ZBTB34: variants seen among roughly 807,000 people sequenced by gnomAD.
ZBTB34 encodes zinc finger and BTB domain-containing protein 34.
A neutral mutation model predicts 33.4 loss-of-function variants in ZBTB34; 1 was observed. That is an observed-to-expected ratio of 0.03 (90% confidence interval 0.01 to 0.14). The LOEUF is 0.14. Among genes scored for constraint, ZBTB34 ranks in the 10% least tolerant of loss-of-function variants. ZBTB34 has a pLI of 1.00. For missense variants in ZBTB34, 406 were observed against 657.2 expected (o/e 0.62, Z 4.18); for synonymous variants, 283 against 253.5 (o/e 1.12, Z -1.11).
chr9:126,885,808 A>G (rs1470487172), exon 2 of ZBTB34: 2 of 167,064 alleles, frequency 1.2e-5, no homozygotes, highest in African/African-American at 2.4e-5. Context: ...TTGCTTGTAA[A>G]TGGCTTTTTT....
chr9:126,882,394 G>A (rs1268082561), exon 2 of ZBTB34: 1 of 167,074 alleles, frequency 6.0e-6, no homozygotes, highest in Non-Finnish European at 1.5e-5. Context: ...TGGCAAACAC[G>A]TTACTGTATG....
At chr9:126,882,282 C>T (rs1001622044) in exon 2 of ZBTB34, 2 of 166,906 alleles carry the variant, frequency 1.2e-5, no homozygotes, top group Admixed American at 6.6e-5. Flanking sequence ...CTTTTTAGGT[C>T]AGTATAGTTG....
chr9:126,866,310 A>G (rs1464229835), intron 1 of ZBTB34, among the ~76,000 whole-genome samples: 1 of 152,084 alleles, frequency 6.6e-6, no homozygotes, highest in African/African-American at 2.4e-5. Flanking sequence ...CCGAGTAGAC[A>G]CCATGCCTCA....
chr9:126,872,180 A>G (rs932725549), intron 1 of ZBTB34, among the ~76,000 whole-genome samples: 1 of 151,340 alleles, frequency 6.6e-6, no homozygotes, highest in African/African-American at 2.4e-5. Flanking sequence ...CGACCTCCCA[A>G]CCTGAGGTGC....
At chr9:126,860,661 G>A (rs1473087087), upstream of ZBTB34, 3 of 147,846 alleles carry the variant, frequency 2.0e-5, no homozygotes, top group African/African-American at 7.4e-5. Flanking sequence ...GGCAGCCGGA[G>A]CGGCGGGGAC....
intron 1 of ZBTB34, among the ~76,000 whole-genome samples, chr9:126,866,165 G>A (rs945903891): frequency 1.3e-5 from 2 of 150,536 alleles, no homozygotes; most frequent in African/African-American, 4.9e-5. Context: ...TTACCAAAAC[G>A]ATCCTCAGTC....
intron 1 of ZBTB34, among the ~76,000 whole-genome samples, chr9:126,877,600 G>A (rs2033378681): frequency 6.6e-6 from 1 of 152,204 alleles, no homozygotes. Context: ...TAGGCCACAG[G>A]AAGGAAACCT....
intron 1 of ZBTB34, among the ~76,000 whole-genome samples, chr9:126,864,824 CT>C (rs368399765): frequency 9.9e-4 from 151 of 152,256 alleles, no homozygotes; most frequent in African/African-American, 3.0e-3. Flanking sequence ...ATAATTGTTA[CT>C]TCTGTTACCA....
chr9:126,885,469 T>C (rs1257086090), exon 2 of ZBTB34: 1 of 167,088 alleles, frequency 6.0e-6, no homozygotes, highest in South Asian at 2.1e-4. Flanking sequence ...TTTCCTAATG[T>C]GAAAACCATC....
rs773615199 is a variant in ZBTB34, at chr9:126,880,287, A to T, written c.888A>T (p.Pro296=). 1 of 1,614,012 alleles carries T rather than the reference A, an allele frequency of 6.2e-7. No homozygotes were observed. Among genetic ancestry groups the T allele is most frequent in the Middle Eastern group, 1.7e-4 (1 of 6,060 alleles). Reference sequence around the variant, plus strand: ...CCTATTCCCAAGCAGCCTCACAGCCAACCAATGTATCAGAAGCTTTTGGAA... The same window carrying T: ...CCTATTCCCAAGCAGCCTCACAGCCTACCAATGTATCAGAAGCTTTTGGAA... Residue 296 remains proline (P), a synonymous_variant, in exon 2 of 2, where the codon CCA becomes CCT. Coordinates refer to ENST00000319119, the Ensembl canonical transcript of ZBTB34. This position sits in a 1 kb window ranked among gnomAD's most constrained non-coding sequence, Gnocchi z 6.7.
At chr9:126,871,348 T>C (rs1182365918) in intron 1 of ZBTB34, among the ~76,000 whole-genome samples, 5 of 151,358 alleles carry the variant, frequency 3.3e-5, no homozygotes, top group Non-Finnish European at 5.9e-5. Context: ...TATGTGCTGC[T>C]ATGGAAAGAT....
At chr9:126,883,821 A>G (rs936394116) in exon 2 of ZBTB34, 3 of 167,130 alleles carry the variant, frequency 1.8e-5, no homozygotes, top group African/African-American at 7.2e-5. Flanking sequence ...CATGCTTCCC[A>G]GGGGTGTGAC....
chr9:126,882,368 C>T (rs1716645113), exon 2 of ZBTB34: 1 of 167,056 alleles, frequency 6.0e-6, no homozygotes, highest in African/African-American at 2.4e-5. Flanking sequence ...TGAAAAGAGA[C>T]CTCAAAAGCA....
exon 2 of ZBTB34, chr9:126,881,186 G>A (rs964764400): frequency 4.9e-6 from 2 of 408,434 alleles, no homozygotes; most frequent in Non-Finnish European, 9.3e-6. Context: ...AAATCTGCCA[G>A]TGATTTAGCT....
intron 1 of ZBTB34, among the ~76,000 whole-genome samples, chr9:126,876,645 G>C (rs758600828): frequency 6.6e-6 from 1 of 152,094 alleles, no homozygotes; most frequent in African/African-American, 2.4e-5. Context: ...GTCATCTTCT[G>C]GTATCAGATT....
At chr9:126,870,699 G>C (rs776743127) in intron 1 of ZBTB34, among the ~76,000 whole-genome samples, 8 of 152,166 alleles carry the variant, frequency 5.3e-5, no homozygotes, top group Non-Finnish European at 1.0e-4. Context: ...GGCCGAGGTG[G>C]GTGGATCATC....
intron 1 of ZBTB34, among the ~76,000 whole-genome samples, chr9:126,870,375 A>G (rs2033261484): frequency 6.6e-6 from 1 of 152,220 alleles, no homozygotes; most frequent in South Asian, 2.1e-4. Flanking sequence ...TCTGTATGTA[A>G]GAGATTGATA....
At position 126,879,825 on chromosome 9, in the gene ZBTB34, C is replaced by T. The variant is rs757078992; in HGVS notation, c.426C>T (p.Thr142=). Residue 142 remains threonine, a synonymous_variant, in exon 2 of 2, where the codon ACC becomes ACT. Transcript: ENST00000319119. This position sits in a 1 kb window ranked among gnomAD's most constrained non-coding sequence, Gnocchi z 6.4. ...GCGTTGGAGATGTTGACTCTGTTAC[C>T]GTCGGTGCTGAAGAGAATCCCGAGA... is the stretch of plus-strand genomic sequence containing the variant. 5.6e-6 allele frequency: 9 copies of T among 1,613,060 alleles called. No individual in the cohort carries two copies. Among genetic ancestry groups the T allele is most frequent in the African/African-American group, 2.7e-5 (2 of 74,896 alleles).
intron 1 of ZBTB34, among the ~76,000 whole-genome samples, chr9:126,867,383 G>A (rs2119209729): frequency 6.7e-6 from 1 of 149,044 alleles, no homozygotes; most frequent in East Asian, 2.0e-4. Flanking sequence ...TTTTCTTTTT[G>A]TATTTCAAAC....
Sources: allele counts gnomAD v4.1 joint callset (sites outside exome capture counted in the v4.1 genomes callset), GRCh38; gene constraint gnomAD v4.1.1; non-coding constraint Gnocchi (gnomAD v3.1); transcripts MANE v1.5; gene names NCBI Gene and HGNC (gene_info 2026-07-23, HGNC 2026-07-21).